PRR16: variants seen among roughly 807,000 people sequenced by gnomAD.
PRR16 encodes the protein proline rich 16, also known as protein Largen.
A neutral mutation model predicts 18.2 loss-of-function variants in PRR16; 6 were observed. The observed-to-expected ratio is 0.33, with a 90% confidence interval of 0.18 to 0.65. The LOEUF (loss-of-function observed/expected upper bound fraction) is 0.65. PRR16 is among the 30% of genes least tolerant of loss of function. PRR16 has a pLI of 0.74. For synonymous variants in PRR16, 151 were observed against 147.8 expected, an observed-to-expected ratio of 1.02 and a Z score of -0.16; for missense variants, 412 against 376.6, an observed-to-expected ratio of 1.09 and a Z score of -0.78.
intron 1 of PRR16, among the ~76,000 whole-genome samples, chr5:120,543,714 G>A (rs1371986562): frequency 6.6e-6 from 1 of 152,108 alleles, no homozygotes; most frequent in African/African-American, 2.4e-5. Context: ...TTATGCCTCA[G>A]CAATGATTTT....
At chr5:120,766,391 T>C in the PRR16 span, among the ~76,000 whole-genome samples, 1 of 151,996 alleles carries the variant, frequency 6.6e-6, no homozygotes, top group African/African-American at 2.4e-5. Context: ...GCCATTTGGA[T>C]TTCATCCAAT....
chr5:120,509,861 A>G (rs1028192313), intron 1 of PRR16, among the ~76,000 whole-genome samples: 3 of 152,148 alleles, frequency 2.0e-5, no homozygotes, highest in Non-Finnish European at 4.4e-5. Context: ...ATTGAGTAAT[A>G]TTTAATTCAT....
At chr5:120,488,154 T>C (rs1749883903) in intron 1 of PRR16, among the ~76,000 whole-genome samples, 1 of 152,244 alleles carries the variant, frequency 6.6e-6, no homozygotes, top group South Asian at 2.1e-4. Context: ...AGGATGATGC[T>C]GGCCTCATAA....
rs187091344 is a variant in PRR16, at chr5:120,555,053, T to G, written c.159+90408T>G. On this transcript the variant is annotated intron_variant, in intron 1 of 1. Coordinates refer to ENST00000407149, the MANE Select transcript of PRR16 (RefSeq NM_001300783.2). ...TATATTGCCAATTTGAGAGGATTTA[T>G]GTTAATAATCTCTATACATTCTTTC... Among the ~76,000 whole-genome samples the G allele has an allele frequency of 3.9e-5, 6 of 152,078 alleles. No individual in the cohort carries two copies. The East Asian group carries it at 1.2e-3, about 30-fold the overall frequency.
intron 1 of PRR16, among the ~76,000 whole-genome samples, chr5:120,678,017 C>T (rs905835055): frequency 1.5e-4 from 21 of 141,412 alleles, no homozygotes; most frequent in Non-Finnish European, 1.4e-4. Flanking sequence ...TCACGCCATT[C>T]TCCTGCCTCA....
chr5:120,537,324 T>C (rs300973), intron 1 of PRR16, among the ~76,000 whole-genome samples: 71,481 of 151,996 alleles, frequency 0.47, 17,123 homozygotes, highest in Middle Eastern at 0.55. Context: ...TTCCCTAATA[T>C]GTTTGGGCAT....
chr5:120,763,762 G>A, the PRR16 span, among the ~76,000 whole-genome samples: 1 of 151,808 alleles, frequency 6.6e-6, no homozygotes, highest in Non-Finnish European at 1.5e-5. Context: ...TTGTAGAGGT[G>A]TTTCACTTTC....
chr5:120,630,412 C>A (rs955373367), intron 1 of PRR16, among the ~76,000 whole-genome samples: 7 of 152,034 alleles, frequency 4.6e-5, no homozygotes, highest in Non-Finnish European at 8.8e-5. Flanking sequence ...GTAAGGTCAT[C>A]CTAAGCTTTG....
chr5:120,466,116 A>G (rs1035013931), intron 1 of PRR16, among the ~76,000 whole-genome samples: 1 of 152,174 alleles, frequency 6.6e-6, no homozygotes, highest in Non-Finnish European at 1.5e-5. Flanking sequence ...GTTAGTATAC[A>G]TAGATTCAGG....
At chr5:120,658,779 AATC>A (rs1203361854) in intron 1 of PRR16, among the ~76,000 whole-genome samples, 36 of 152,020 alleles carry the variant, frequency 2.4e-4, no homozygotes, top group African/African-American at 7.7e-4. Flanking sequence ...ATGAGAGTGA[AATC>A]ATATTTAAAA....
chr5:120,775,549 G>T, the PRR16 span, among the ~76,000 whole-genome samples: 1 of 150,626 alleles, frequency 6.6e-6, no homozygotes, highest in Admixed American at 6.6e-5. Context: ...TCCTGATTCT[G>T]TTCATTTCTA....
At chr5:120,494,776 G>A (rs1007776632) in intron 1 of PRR16, among the ~76,000 whole-genome samples, 1 of 152,036 alleles carries the variant, frequency 6.6e-6, no homozygotes, top group Non-Finnish European at 1.5e-5. Flanking sequence ...TACAGTGTGA[G>A]GCATAGGTTG....
At chr5:120,649,883 A>C (rs1444880670) in intron 1 of PRR16, among the ~76,000 whole-genome samples, 1 of 152,022 alleles carries the variant, frequency 6.6e-6, no homozygotes, top group African/African-American at 2.4e-5. Context: ...TCTATGAATA[A>C]ATTCTCTCAT....
intron 1 of PRR16, among the ~76,000 whole-genome samples, chr5:120,533,620 A>G (rs1490795266): frequency 2.0e-5 from 3 of 152,200 alleles, no homozygotes; most frequent in Non-Finnish European, 2.9e-5. Context: ...TAAAACCACC[A>G]GGGAAAAGTT....
At chr5:120,640,284 C>A (rs548880708) in intron 1 of PRR16, among the ~76,000 whole-genome samples, 1 of 117,960 alleles carries the variant, frequency 8.5e-6, no homozygotes, top group East Asian at 2.6e-4. Context: ...CACGTGTACC[C>A]CTGAACCTAA....
chr5:120,543,756 A>T (rs1170676101), intron 1 of PRR16, among the ~76,000 whole-genome samples: 1 of 152,138 alleles, frequency 6.6e-6, no homozygotes, highest in African/African-American at 2.4e-5. Context: ...TTATGTAACT[A>T]AGGGCAGTTA....
At chr5:120,758,527 A>T in the PRR16 span, among the ~76,000 whole-genome samples, 6,582 of 152,198 alleles carry the variant, frequency 0.043, 187 homozygotes, top group South Asian at 0.078. Context: ...TAATCCCCGC[A>T]TATTGAAGGG....
At chr5:120,500,592 T>A (rs949386933) in intron 1 of PRR16, among the ~76,000 whole-genome samples, 4 of 152,206 alleles carry the variant, frequency 2.6e-5, no homozygotes, top group African/African-American at 9.6e-5. Flanking sequence ...AAATTTTATG[T>A]CATGAATCTC....
the PRR16 span, chr5:120,781,288 T>A: frequency 6.6e-6 from 1 of 151,988 alleles, no homozygotes; most frequent in African/African-American, 2.4e-5. Flanking sequence ...ACATACAAAT[T>A]TTTAAAATAT....
Sources: allele counts gnomAD v4.1 joint callset (sites outside exome capture counted in the v4.1 genomes callset), GRCh38; gene constraint gnomAD v4.1.1; transcripts MANE v1.5; gene names NCBI Gene and HGNC (gene_info 2026-07-23, HGNC 2026-07-21).